The following TTC3 variants were observed in gnomAD, a reference collection of about 807,000 sequenced individuals.
TTC3 encodes the protein tetratricopeptide repeat domain 3.
A neutral mutation model predicts 249.6 loss-of-function variants in TTC3; 180 were observed. The ratio of observed to expected loss-of-function variants is 0.72; its 90% CI spans 0.64 to 0.82. The LOEUF is 0.82. Ranked by LOEUF, TTC3 falls within the 40% of genes least tolerant of loss-of-function variation. TTC3 has a pLI of 0.00. For missense variants in TTC3, 2,061 were observed against 2,398.4 expected (o/e 0.86, Z 2.94); for synonymous variants, 717 against 805.0 (o/e 0.89, Z 1.85).
chr21:37,137,506 C>T (rs567564207), intron 18 of TTC3, among the ~76,000 whole-genome samples: 42 of 152,216 alleles, frequency 2.8e-4, no homozygotes, highest in Admixed American at 1.5e-3. Flanking sequence ...GAAGTGGAGC[C>T]TGAAGATGTG....
chr21:37,196,709 G>C (rs1482514559), intron 42 of TTC3, among the ~76,000 whole-genome samples: 1 of 152,108 alleles, frequency 6.6e-6, no homozygotes, highest in Non-Finnish European at 1.5e-5. Flanking sequence ...ATCATTTGGG[G>C]GGACAAAATT....
intron 5 of TTC3, among the ~76,000 whole-genome samples, chr21:37,089,411 A>G (rs1309782136): frequency 6.6e-6 from 1 of 152,194 alleles, no homozygotes; most frequent in Non-Finnish European, 1.5e-5. Context: ...TGGTACTATT[A>G]AATTTAGAAA....
chr21:37,138,408 A>G (rs1286098882), intron 18 of TTC3, among the ~76,000 whole-genome samples: 1 of 152,246 alleles, frequency 6.6e-6, no homozygotes, highest in Non-Finnish European at 1.5e-5. Flanking sequence ...AGGAACTCTG[A>G]GACAGTGATT....
chr21:37,097,946 T>G (rs1400513927), intron 10 of TTC3: 1 of 713,452 alleles, frequency 1.4e-6, no homozygotes, highest in Non-Finnish European at 2.6e-6. Flanking sequence ...ATTTGGAAAA[T>G]ACAAGAGTTT....
chr21:37,139,263 C>G (rs1474789799), intron 19 of TTC3, among the ~76,000 whole-genome samples: 1 of 151,940 alleles, frequency 6.6e-6, no homozygotes, highest in Non-Finnish European at 1.5e-5. Context: ...GTAGAAAGTA[C>G]TTGGATATTG....
At chr21:37,184,006 T>C (rs1755281045) in intron 36 of TTC3, among the ~76,000 whole-genome samples, 1 of 152,190 alleles carries the variant, frequency 6.6e-6, no homozygotes, top group African/African-American at 2.4e-5. Context: ...CAGATGACTT[T>C]CATTATGAGT....
intron 38 of TTC3, 30 bp downstream of exon 38, chr21:37,187,175 G>A (rs1230296069): frequency 3.4e-6 from 5 of 1,478,570 alleles, no homozygotes; most frequent in Non-Finnish European, 1.8e-6. Context: ...TGACCACTAT[G>A]GCATTTGTCA....
intron 20 of TTC3, among the ~76,000 whole-genome samples, chr21:37,142,221 A>G (rs550338154): frequency 6.6e-6 from 1 of 152,350 alleles, no homozygotes; most frequent in African/African-American, 2.4e-5. Context: ...CACCACTCCT[A>G]TTCAACATAG....
intron 35 of TTC3, 33 bp downstream of exon 35, chr21:37,172,777 T>C (rs907462299): frequency 3.1e-6 from 5 of 1,609,934 alleles, no homozygotes; most frequent in East Asian, 2.2e-5. Flanking sequence ...TTTAATTGCA[T>C]GTAGCATAGT....
chr21:37,108,352 A>G, intron 10 of TTC3, 40 bp from the exon 11 acceptor site: 4 of 1,563,740 alleles, frequency 2.6e-6, no homozygotes, highest in Non-Finnish European at 3.5e-6. Context: ...CTTTTACTAT[A>G]AAAGAGTGAA....
At chr21:37,105,910 G>A (rs1270520083) in intron 10 of TTC3, among the ~76,000 whole-genome samples, 2 of 152,114 alleles carry the variant, frequency 1.3e-5, no homozygotes, top group Non-Finnish European at 2.9e-5. Context: ...TTTACAGGTA[G>A]TATTGTTGTG....
intron 32 of TTC3, 44 bp from the exon 33 acceptor site, chr21:37,165,506 G>A (rs1305375521): frequency 6.9e-7 from 1 of 1,450,482 alleles, no homozygotes. Context: ...ACATATTCAA[G>A]TACTTCCTTA....
In TTC3 at chr21:37,189,513, G is replaced by A. The variant is rs565112128; in HGVS notation, c.5024+918G>A. The stretch of plus-strand genomic sequence containing the variant: ...CCCACCTCAGCCTCCCAAAGTGCTG[G>A]GATTACAGGCATGAGCCACCGTACC... On this transcript the variant is annotated intron_variant, in intron 39 of 45. Transcript: ENST00000355666. Among the ~76,000 whole-genome samples, 166 of 150,936 alleles carry A rather than the reference G, an allele frequency of 1.1e-3. 1 individual carries two copies. Among genetic ancestry groups the A allele is most frequent in the African/African-American group, 3.7e-3 (150 of 41,036 alleles).
chr21:37,192,239 T>C (rs929081633), intron 41 of TTC3, 26 bp downstream of exon 41: 21 of 1,476,228 alleles, frequency 1.4e-5, no homozygotes, highest in Non-Finnish European at 1.9e-5. Context: ...CTTTTTTTTT[T>C]TTTTAAACCA....
chr21:37,142,813 G>T (rs1019333804), intron 20 of TTC3, among the ~76,000 whole-genome samples: 37 of 152,292 alleles, frequency 2.4e-4, no homozygotes, highest in African/African-American at 8.2e-4. Context: ...AAAGAATAAA[G>T]CTGGAGGCAT....
chr21:37,161,148 C>G (rs1412609304), intron 30 of TTC3, among the ~76,000 whole-genome samples: 1 of 151,540 alleles, frequency 6.6e-6, no homozygotes, highest in Non-Finnish European at 1.5e-5. Flanking sequence ...AAATAAGTCT[C>G]AAAAAATAGA....
intron 11 of TTC3, 110 bp downstream of exon 11, chr21:37,108,556 G>A (rs2075307504): frequency 9.6e-7 from 1 of 1,046,498 alleles, no homozygotes; most frequent in East Asian, 2.6e-5. Context: ...ATTACGTAGA[G>A]CTCCAGAATG....
chr21:37,164,449 A>G (rs2081066112), intron 32 of TTC3, among the ~76,000 whole-genome samples: 1 of 150,986 alleles, frequency 6.6e-6, no homozygotes, highest in Non-Finnish European at 1.5e-5. Flanking sequence ...GGTGATTGTC[A>G]TGCGTCAGCC....
chr21:37,169,248 G>A (rs1752146437), intron 34 of TTC3, among the ~76,000 whole-genome samples: 1 of 152,072 alleles, frequency 6.6e-6, no homozygotes, highest in African/African-American at 2.4e-5. Context: ...CATCAAGAAT[G>A]GGTATGGAAG....
Sources: allele counts gnomAD v4.1 joint callset (sites outside exome capture counted in the v4.1 genomes callset), GRCh38; gene constraint gnomAD v4.1.1; transcripts MANE v1.5; gene names NCBI Gene and HGNC (gene_info 2026-07-23, HGNC 2026-07-21).